Variants in LEPR observed in about 807,000 individuals in gnomAD.
LEPR encodes the protein OB receptor.
LEPR carries 56 observed loss-of-function variants against 114.7 expected under a neutral mutation model. That is an observed-to-expected ratio of 0.49 (90% CI 0.39 to 0.61). The LOEUF is 0.61. Ranked by LOEUF, LEPR falls within the 20% of genes least tolerant of loss-of-function variation. LEPR has a pLI of 0.00. For missense variants in LEPR, 1,202 were observed against 1,352.9 expected (o/e 0.89, Z 1.75); for synonymous variants, 443 against 461.4 (o/e 0.96, Z 0.51).
At chr1:65,553,201 T>A (rs1279551119) in intron 2 of LEPR, among the ~76,000 whole-genome samples, 1 of 152,194 alleles carries the variant, frequency 6.6e-6, no homozygotes, top group Non-Finnish European at 1.5e-5. Flanking sequence ...GTCTTCAGGT[T>A]GCTCTTCTCG....
At chr1:65,619,269 G>C (rs1369202174) in intron 16 of LEPR, among the ~76,000 whole-genome samples, 1 of 152,098 alleles carries the variant, frequency 6.6e-6, no homozygotes, top group African/African-American at 2.4e-5. Context: ...TTTAAACCAT[G>C]AGGATATAAA....
In LEPR at chr1:65,454,732, A is replaced by T. The variant is rs567712252; in HGVS notation, c.-21+29354A>T. Among the ~76,000 whole-genome samples, 245 of 151,958 alleles carry T rather than the reference A, an allele frequency of 1.6e-3. 4 individuals carry two copies. Among genetic ancestry groups the T allele is most frequent in the Admixed American group, 0.014 (215 of 15,288 alleles). ...CCCTTAACATTTTTTCCTTCATTTC[A>T]ACTTTGGTGAATCTGACAATTATGT... On this transcript the variant is annotated intron_variant, in intron 2 of 19. Transcript: ENST00000349533.
At chr1:65,603,804 C>A (rs550649057) in intron 10 of LEPR, among the ~76,000 whole-genome samples, 168 of 151,712 alleles carry the variant, frequency 1.1e-3, no homozygotes, top group Non-Finnish European at 1.9e-3. Flanking sequence ...AGATTGGACA[C>A]CCCTGCTTTA....
chr1:65,585,980 C>A (rs1361023410), intron 5 of LEPR, among the ~76,000 whole-genome samples: 1 of 151,940 alleles, frequency 6.6e-6, no homozygotes, highest in Non-Finnish European at 1.5e-5. Flanking sequence ...AGAAAAGAAT[C>A]ATTTGAAGTA....
intron 2 of LEPR, among the ~76,000 whole-genome samples, chr1:65,448,426 A>T (rs1646739360): frequency 6.6e-6 from 1 of 152,154 alleles, no homozygotes; most frequent in Admixed American, 6.6e-5. Flanking sequence ...CAATTTGCTA[A>T]TATCTTGTTG....
intron 2 of LEPR, among the ~76,000 whole-genome samples, chr1:65,539,745 G>C (rs1193837632): frequency 1.3e-5 from 2 of 152,188 alleles, no homozygotes; most frequent in Non-Finnish European, 2.9e-5. Context: ...GGCTCCATCA[G>C]TTAGAGGCAT....
intron 2 of LEPR, among the ~76,000 whole-genome samples, chr1:65,557,987 T>C (rs941184891): frequency 6.6e-5 from 10 of 152,346 alleles, no homozygotes; most frequent in African/African-American, 2.2e-4. Flanking sequence ...GGAAAACTGC[T>C]GATCTATTTG....
intron 4 of LEPR, 32 bp downstream of exon 4, chr1:65,570,834 A>G: frequency 6.7e-7 from 1 of 1,496,522 alleles, no homozygotes; most frequent in Non-Finnish European, 8.9e-7. Flanking sequence ...AATGTATTGA[A>G]CAATGTTTTT....
intron 2 of LEPR, among the ~76,000 whole-genome samples, chr1:65,459,047 C>T (rs544255822): frequency 2.6e-5 from 4 of 152,244 alleles, no homozygotes; most frequent in South Asian, 4.1e-4. Flanking sequence ...GTAAATACAC[C>T]TTTAGTGTGA....
chr1:65,611,769 C>T (rs1196134333), intron 14 of LEPR, among the ~76,000 whole-genome samples: 1 of 152,188 alleles, frequency 6.6e-6, no homozygotes, highest in Non-Finnish European at 1.5e-5. Flanking sequence ...TCTGCATTGT[C>T]CAATATGGTA....
At chr1:65,476,505 T>C (rs963889949) in intron 2 of LEPR, among the ~76,000 whole-genome samples, 3 of 152,192 alleles carry the variant, frequency 2.0e-5, no homozygotes, top group African/African-American at 7.2e-5. Flanking sequence ...TTGCTCACAA[T>C]GAGGTCATTC....
chr1:65,586,441 C>G (rs1339614531), intron 5 of LEPR, among the ~76,000 whole-genome samples: 2 of 151,856 alleles, frequency 1.3e-5, no homozygotes, highest in Non-Finnish European at 2.9e-5. Flanking sequence ...GGAGAATTTT[C>G]TTTTTTCTTA....
chr1:65,511,131 T>C (rs561674154), intron 2 of LEPR, among the ~76,000 whole-genome samples: 1 of 152,326 alleles, frequency 6.6e-6, no homozygotes, highest in South Asian at 2.1e-4. Context: ...TTATTAACAA[T>C]CTTACATTCT....
At chr1:65,454,050 C>G (rs1300001296) in intron 2 of LEPR, among the ~76,000 whole-genome samples, 1 of 151,162 alleles carries the variant, frequency 6.6e-6, no homozygotes, top group East Asian at 1.9e-4. Context: ...CCTTCTTTGT[C>G]TCTTTTGATC....
rs548643963 is a variant in LEPR, at chr1:65,525,852, T to G, written c.-20-39694T>G. 1.7e-4 allele frequency: 164 copies of G among 982,486 alleles called. No individual in the cohort carries two copies. The African/African-American group carries it at 2.7e-3, about 16-fold the overall frequency. The allele number at this position is 982,486 out of a possible 1,614,324, so 60.9% of individuals were successfully genotyped here. A position where few individuals can be genotyped will look rare whatever the true frequency, so the allele number is the denominator to read the frequency against. On this transcript the variant is annotated intron_variant, in intron 2 of 19. Transcript: ENST00000349533. ...TGCTTCCCTCTCCGACACCCCCTATTGCCACCTCTTCCCGCTCTGGGTAAC... is the reference window on the plus strand; with the variant it reads ...TGCTTCCCTCTCCGACACCCCCTATGGCCACCTCTTCCCGCTCTGGGTAAC...
intron 12 of LEPR, among the ~76,000 whole-genome samples, chr1:65,609,422 C>T (rs1275016586): frequency 6.6e-6 from 1 of 152,128 alleles, no homozygotes; most frequent in South Asian, 2.1e-4. Context: ...GGCAAGTGTG[C>T]CTATCATGGC....
At position 65,598,095 on chromosome 1, in the gene LEPR, C is replaced by CTTTTT. The variant is rs1226626771; in HGVS notation, c.850-549_850-545dup. The stretch of plus-strand genomic sequence containing the variant: ...CTAGGCTCAAGTGATCCTCCTGCCT[C>CTTTTT]TTTTTTTTTTTTTTTTTTTTAAGAG... On this transcript the variant is annotated intron_variant, in intron 7 of 19. Coordinates refer to ENST00000349533, the MANE Select transcript of LEPR (RefSeq NM_002303.6). Among the ~76,000 whole-genome samples, 29 of 101,474 alleles carry CTTTTT rather than the reference C, an allele frequency of 2.9e-4. 2 individuals are homozygous for CTTTTT. The highest frequency in any genetic ancestry group is 5.7e-3 in the Middle Eastern group (1 of 176). 66.6% of individuals were successfully genotyped at this position (101,474 alleles called of 152,430 possible).
chr1:65,514,727 T>C (rs1649200079), intron 2 of LEPR, among the ~76,000 whole-genome samples: 1 of 152,208 alleles, frequency 6.6e-6, no homozygotes, highest in Non-Finnish European at 1.5e-5. Flanking sequence ...CATATAATCA[T>C]TGTGAAGTAT....
At chr1:65,506,629 CT>C (rs566158380) in intron 2 of LEPR, among the ~76,000 whole-genome samples, 82 of 151,518 alleles carry the variant, frequency 5.4e-4, no homozygotes, top group South Asian at 1.0e-3. Context: ...AGACTGGGAA[CT>C]TTTTTTTTCC....
Sources: allele counts gnomAD v4.1 joint callset (sites outside exome capture counted in the v4.1 genomes callset), GRCh38; gene constraint gnomAD v4.1.1; transcripts MANE v1.5; gene names NCBI Gene and HGNC (gene_info 2026-07-23, HGNC 2026-07-21).